The following CELF2 variants were observed in gnomAD, a reference collection of about 807,000 sequenced individuals.
CELF2 encodes the protein CUG triplet repeat RNA-binding protein 2.
CELF2 carries 8 observed loss-of-function variants against 62.6 expected under a neutral mutation model. The ratio of observed to expected loss-of-function variants is 0.13; its 90% confidence interval spans 0.07 to 0.23. The LOEUF (loss-of-function observed/expected upper bound fraction) is 0.23. Among genes scored for constraint, CELF2 ranks in the 10% least tolerant of loss-of-function variants. The pLI, the probability that CELF2 is intolerant of heterozygous loss-of-function variation, is 1.00. For synonymous variants in CELF2, 258 were observed against 250.0 expected, an observed-to-expected ratio of 1.03 and a Z score of -0.30; for missense variants, 333 against 671.0, an observed-to-expected ratio of 0.50 and a Z score of 5.56.
At chr10:10,665,263 C>G in the CELF2 span, among the ~76,000 whole-genome samples, 1 of 152,092 alleles carries the variant, frequency 6.6e-6, no homozygotes, top group African/African-American at 2.4e-5. Flanking sequence ...AAATTAAATA[C>G]AGAGCTATGC....
Position 10,897,708 on chromosome 10 carries a change from C to T in CELF2, c.54-22256C>T, listed in dbSNP as rs759519238. Among the ~76,000 whole-genome samples the T allele has an allele frequency of 9.9e-5, 15 of 152,062 alleles. No homozygotes were observed. The South Asian group carries it at 1.2e-3, about 13-fold the overall frequency. On this transcript the variant is annotated intron_variant, in intron 1 of 13. Transcript: ENST00000636488. ...CTCTCGTGTAATAGTATGGATCTCA[C>T]GGCAGGCACAGGAGAGCAACAAGCT... is the stretch of plus-strand genomic sequence containing the variant.
chr10:10,910,942 A>C (rs541635701), intron 1 of CELF2, among the ~76,000 whole-genome samples: 1 of 152,328 alleles, frequency 6.6e-6, no homozygotes, highest in South Asian at 2.1e-4. Context: ...TGTTACTAAC[A>C]GCCGAGTCAG....
At chr10:10,939,365 C>T (rs1592172793) in intron 2 of CELF2, among the ~76,000 whole-genome samples, 1 of 152,196 alleles carries the variant, frequency 6.6e-6, no homozygotes, top group East Asian at 2.0e-4. Flanking sequence ...GGCTCACTGC[C>T]ACCTCTGCCT....
rs547919473 is a variant in CELF2, at chr10:11,328,277, C to G, written c.1439-649C>G. Among the ~76,000 whole-genome samples the G allele has an allele frequency of 5.9e-5, 9 of 152,372 alleles. No homozygotes were observed. Among genetic ancestry groups the G allele is most frequent in the African/African-American group, 2.2e-4 (9 of 41,590 alleles). On this transcript the variant is annotated intron_variant, in intron 12 of 12. Coordinates refer to ENST00000633077, the MANE Select transcript of CELF2 (RefSeq NM_001326342.2). This position sits in a 1 kb window ranked among gnomAD's most constrained non-coding sequence, Gnocchi z 6.4. ...GTGAGATAAGGAGAAAGGCCCAGCA[C>G]TTCCCTAGTCTCCTTGGTATTAACT...
chr10:11,134,954 G>C (rs1564884550), intron 1 of CELF2, among the ~76,000 whole-genome samples: 1 of 152,230 alleles, frequency 6.6e-6, no homozygotes, highest in African/African-American at 2.4e-5. Context: ...ACCTTGCAGT[G>C]TCTAGCATCA....
chr10:11,017,310 A>G (rs1351578490), upstream of CELF2, among the ~76,000 whole-genome samples: 1 of 152,196 alleles, frequency 6.6e-6, no homozygotes, highest in Non-Finnish European at 1.5e-5. This position sits in a 1 kb window ranked among gnomAD's most constrained non-coding sequence, Gnocchi z 5.5. Flanking sequence ...AACGTGATTT[A>G]TGACTTTATT....
chr10:10,582,418 A>G, the CELF2 span, among the ~76,000 whole-genome samples: 1 of 152,308 alleles, frequency 6.6e-6, no homozygotes, highest in African/African-American at 2.4e-5. Context: ...TTCCGAGATT[A>G]TATTTTTTCA....
chr10:11,253,246 T>A (rs1380657730), intron 4 of CELF2, among the ~76,000 whole-genome samples: 1 of 152,182 alleles, frequency 6.6e-6, no homozygotes, highest in Non-Finnish European at 1.5e-5. Flanking sequence ...CCCTCCAACC[T>A]CACAATTTGC....
chr10:11,066,666 T>C (rs984485236), intron 1 of CELF2, among the ~76,000 whole-genome samples: 2 of 152,138 alleles, frequency 1.3e-5, no homozygotes, highest in Non-Finnish European at 2.9e-5. Context: ...TCAGCTGGGG[T>C]GTGCATGTGG....
chr10:10,728,452 CAAAA>C, the CELF2 span, among the ~76,000 whole-genome samples: 10 of 81,434 alleles, frequency 1.2e-4, no homozygotes, highest in Non-Finnish European at 1.7e-4. Context: ...GACTCTGTTT[CAAAA>C]AAAAAAAAAA....
chr10:11,020,179 T>C (rs1232840318), intron 1 of CELF2, among the ~76,000 whole-genome samples: 1 of 152,244 alleles, frequency 6.6e-6, no homozygotes, highest in East Asian at 1.9e-4. Context: ...GACTTCCACC[T>C]CACTTCTCTT....
chr10:11,076,032 C>T (rs1164875559), intron 1 of CELF2, among the ~76,000 whole-genome samples: 1 of 151,918 alleles, frequency 6.6e-6, no homozygotes, highest in East Asian at 1.9e-4. Flanking sequence ...TTAACTCTCT[C>T]TTGAATTATT....
chr10:10,648,875 T>TGCTG, the CELF2 span, among the ~76,000 whole-genome samples: 325 of 152,332 alleles, frequency 2.1e-3, 2 homozygotes, highest in Non-Finnish European at 2.7e-3. Context: ...TCCATTGGGT[T>TGCTG]CAATAAGTGA....
At chr10:10,537,210 C>T in the CELF2 span, among the ~76,000 whole-genome samples, 1 of 152,102 alleles carries the variant, frequency 6.6e-6, no homozygotes, top group Non-Finnish European at 1.5e-5. Flanking sequence ...AGCTCTTAAC[C>T]AAGAGCTCGT....
At chr10:10,786,654 A>T in the CELF2 span, 4 of 152,228 alleles carry the variant, frequency 2.6e-5, no homozygotes, top group Non-Finnish European at 5.9e-5. Flanking sequence ...CCTTATTTGC[A>T]GGAGGTCACA....
At chr10:10,647,560 T>G in the CELF2 span, among the ~76,000 whole-genome samples, 2 of 152,178 alleles carry the variant, frequency 1.3e-5, no homozygotes, top group Non-Finnish European at 2.9e-5. Context: ...GACAGATCAT[T>G]AACAGCACCA....
At chr10:10,958,545 C>A (rs1401285400) in intron 2 of CELF2, among the ~76,000 whole-genome samples, 3 of 152,184 alleles carry the variant, frequency 2.0e-5, no homozygotes, top group Non-Finnish European at 4.4e-5. Flanking sequence ...CGTGTTCTAC[C>A]TCTCAACTGT....
intron 1 of CELF2, among the ~76,000 whole-genome samples, chr10:11,081,408 A>T (rs1226443431): frequency 6.6e-6 from 1 of 152,182 alleles, no homozygotes. Context: ...TCTCTAAGTC[A>T]TACCTGGGAC....
chr10:11,115,763 T>G (rs1002821863), intron 1 of CELF2, among the ~76,000 whole-genome samples: 1 of 152,172 alleles, frequency 6.6e-6, no homozygotes, highest in Non-Finnish European at 1.5e-5. Context: ...ATAGGGAGAT[T>G]CAAGTTACTC....
Sources: gnomAD v4.1 joint callset for allele counts (sites outside exome capture counted in the v4.1 genomes callset) on GRCh38, gnomAD v4.1.1 for gene constraint, Gnocchi (gnomAD v3.1) non-coding constraint, MANE v1.5 for transcripts, NCBI Gene and HGNC (gene_info 2026-07-23, HGNC 2026-07-21) for gene names.